Variants in CEP192 observed in about 807,000 individuals in gnomAD.
CEP192 encodes the protein centrosomal protein of 192 kDa.
A neutral mutation model predicts 271.8 loss-of-function variants in CEP192; 151 were observed. That is an observed-to-expected ratio of 0.56 (90% CI 0.49 to 0.64). CEP192 has a LOEUF of 0.64. Ranked by LOEUF, CEP192 falls within the 30% of genes least tolerant of loss-of-function variation. The pLI is 0.00. For synonymous variants in CEP192, 995 were observed against 1,076.5 expected (o/e 0.92, Z 1.48); for missense variants, 2,910 against 3,020.5 (o/e 0.96, Z 0.86).
At chr18:13,103,114 C>CT (rs1421353977) in intron 38 of CEP192, among the ~76,000 whole-genome samples, 16 of 152,152 alleles carry the variant, frequency 1.1e-4, no homozygotes, top group Admixed American at 1.0e-3. Context: ...TTTTTCTCCC[C>CT]TTTGCCACTG....
In CEP192 at chr18:13,060,918, A is replaced by G. The variant is rs919262860; in HGVS notation, c.4488+1606A>G. 3.8e-5 allele frequency among the ~76,000 whole-genome samples: 4 copies of G among 104,586 alleles called. No homozygotes were observed. The Admixed American group carries it at 3.9e-4, about 10-fold the overall frequency. 68.6% of individuals were successfully genotyped at this position (104,586 alleles called of 152,430 possible). ...CAGCCTGGGCAACAGAGCGAGACCC[A>G]GTCTTAAAAGGAAAAAAAAAAAATG... On this transcript the variant is annotated intron_variant, in intron 21 of 44. Transcript: ENST00000506447.
chr18:13,062,720 C>T (rs547978135), intron 21 of CEP192, among the ~76,000 whole-genome samples: 1 of 152,148 alleles, frequency 6.6e-6, no homozygotes, highest in Non-Finnish European at 1.5e-5. Context: ...AAGCATTTAT[C>T]CTTTGAGTTA....
intron 37 of CEP192, among the ~76,000 whole-genome samples, chr18:13,100,002 G>A (rs1449899891): frequency 6.6e-6 from 1 of 152,186 alleles, no homozygotes; most frequent in Non-Finnish European, 1.5e-5. Flanking sequence ...AGGCCAACTA[G>A]TTAGAGCATT....
intron 36 of CEP192, among the ~76,000 whole-genome samples, chr18:13,098,082 C>G (rs954818521): frequency 6.6e-6 from 1 of 152,226 alleles, no homozygotes; most frequent in African/African-American, 2.4e-5. Flanking sequence ...ATTTCTCAAT[C>G]TTTTCCCCAC....
At chr18:13,117,140 G>A (rs1016572917) in intron 43 of CEP192, among the ~76,000 whole-genome samples, 2 of 151,956 alleles carry the variant, frequency 1.3e-5, no homozygotes, top group African/African-American at 2.4e-5. Flanking sequence ...TGAGAGGATC[G>A]CTTTAGGCTG....
At chr18:12,994,113 A>G (rs1050501634) in intron 1 of CEP192, among the ~76,000 whole-genome samples, 2 of 152,212 alleles carry the variant, frequency 1.3e-5, no homozygotes, top group African/African-American at 4.8e-5. Flanking sequence ...CTAAGTGTTA[A>G]GGAAATAGTG....
At position 13,079,634 on chromosome 18, in the gene CEP192, A is replaced by G. The variant is rs112818404; in HGVS notation, c.5616+6449A>G. On this transcript the variant is annotated intron_variant, in intron 30 of 44. Coordinates refer to ENST00000506447, the MANE Select transcript of CEP192 (RefSeq NM_032142.4). ...TTCTTTCGCTGTGCAGAAGCTCTTT[A>G]GTTTAATTAGATCCCATTTGTCTAT... is the stretch of plus-strand genomic sequence containing the variant. Among the ~76,000 whole-genome samples, 1,126 of 152,216 alleles carry G rather than the reference A, an allele frequency of 7.4e-3. 10 individuals are homozygous for G. Among genetic ancestry groups the G allele is most frequent in the African/African-American group, 0.021 (890 of 41,522 alleles).
chr18:13,086,466 G>A (rs2038902276), intron 30 of CEP192, among the ~76,000 whole-genome samples: 1 of 152,116 alleles, frequency 6.6e-6, no homozygotes, highest in South Asian at 2.1e-4. Flanking sequence ...CACTTCCCAG[G>A]TAAGGCGACG....
intron 15 of CEP192, among the ~76,000 whole-genome samples, chr18:13,042,750 T>C (rs2036276113): frequency 6.6e-6 from 1 of 152,226 alleles, no homozygotes; most frequent in Non-Finnish European, 1.5e-5. Context: ...TCACCTCACC[T>C]TACATTTGTT....
intron 6 of CEP192, among the ~76,000 whole-genome samples, chr18:13,016,934 C>T (rs1036685403): frequency 3.3e-5 from 5 of 152,144 alleles, no homozygotes; most frequent in African/African-American, 1.2e-4. Flanking sequence ...TTTATTGTAT[C>T]CTGACTTTTG....
chr18:13,001,430 C>G, intron 2 of CEP192, 27 bp from the exon 3 acceptor site: 1 of 1,470,974 alleles, frequency 6.8e-7, no homozygotes, highest in Non-Finnish European at 9.2e-7. Context: ...TAATTCTTAA[C>G]AATTAAAACA....
At chr18:13,117,811 C>A (rs928148657) in intron 44 of CEP192, among the ~76,000 whole-genome samples, 168 bp downstream of exon 44, 1 of 152,162 alleles carries the variant, frequency 6.6e-6, no homozygotes, top group Non-Finnish European at 1.5e-5. Context: ...AAGGAGCCTG[C>A]AGGGGGACAG....
chr18:13,084,960 C>T (rs544716808), intron 30 of CEP192, among the ~76,000 whole-genome samples: 118 of 151,356 alleles, frequency 7.8e-4, no homozygotes, highest in African/African-American at 2.7e-3. Flanking sequence ...AGACTACAAG[C>T]GCATGCCACC....
At chr18:13,062,527 T>TC (rs1491348818) in intron 21 of CEP192, among the ~76,000 whole-genome samples, 1 of 36,482 alleles carries the variant, frequency 2.7e-5, no homozygotes, top group Non-Finnish European at 4.8e-5. Flanking sequence ...TACTGTTAGA[T>TC]TTTTTTTTTT....
chr18:13,028,343 C>CA (rs1047002582), intron 9 of CEP192, among the ~76,000 whole-genome samples: 21 of 152,256 alleles, frequency 1.4e-4, no homozygotes, highest in Admixed American at 1.0e-3. Flanking sequence ...TTATAGTTAC[C>CA]AGGCTTAGGA....
At chr18:13,032,274 C>A (rs542576009) in intron 11 of CEP192, among the ~76,000 whole-genome samples, 1 of 151,962 alleles carries the variant, frequency 6.6e-6, no homozygotes, top group South Asian at 2.1e-4. Flanking sequence ...AGTAGAGAGG[C>A]AGGAAGAGAG....
In CEP192 at chr18:13,001,582, A is replaced by C; in HGVS notation, c.290A>C (p.Asp97Ala). The change falls in exon 3 of 45, where the codon GAT (aspartate) becomes GCT (alanine). Residue 97 changes from aspartate (D) to alanine (A), a missense_variant and splice_region_variant. By Grantham distance (126) the Asp-to-Ala change is moderately radical. Coordinates refer to ENST00000506447, the MANE Select transcript of CEP192 (RefSeq NM_032142.4). ...ERLQLSFQDD[D>A]SISRKKSYVE... ...TTACAGCTTAGCTTCCAGGATGATG[A>C]GTAAGTTCATACCTTCATTTGCTTG... 1.3e-6 allele frequency: 2 copies of C among 1,546,092 alleles called. No homozygotes were observed. The highest frequency in any genetic ancestry group is 1.7e-6 in the Non-Finnish European group (2 of 1,145,584).
rs1345477728 is a variant in CEP192 at position 13,096,228 on chromosome 18, G to A, written c.6478G>A (p.Val2160Met). The change falls in exon 36 of 45, where the codon GTG (valine) becomes ATG (methionine). Residue 2160 changes from valine to methionine, a missense_variant. By Grantham distance (21) the Val-to-Met change is conservative. Coordinates refer to ENST00000506447, the MANE Select transcript of CEP192 (RefSeq NM_032142.4). Reference sequence around the variant, plus strand: ...ACGTTTCCAGATTGTGAATAACTCTGTGAGGTTACTGAGATTTGAGCTGTG... The same window carrying A: ...ACGTTTCCAGATTGTGAATAACTCTATGAGGTTACTGAGATTTGAGCTGTG... ...TGRFQIVNNS[V>M]RLLRFELCWP... The A allele has an allele frequency of 6.2e-7, 1 of 1,614,208 alleles. No homozygotes were observed. The highest frequency in any genetic ancestry group is 1.1e-5 in the South Asian group (1 of 91,088).
chr18:13,056,911 G>A (rs1399887737), intron 19 of CEP192, among the ~76,000 whole-genome samples: 1 of 152,158 alleles, frequency 6.6e-6, no homozygotes, highest in Non-Finnish European at 1.5e-5. Flanking sequence ...GCTGCCTATG[G>A]CTCTGTCTTC....
Sources: gnomAD v4.1 joint callset for allele counts (sites outside exome capture counted in the v4.1 genomes callset) on GRCh38, gnomAD v4.1.1 for gene constraint, MANE v1.5 for transcripts, NCBI Gene and HGNC (gene_info 2026-07-23, HGNC 2026-07-21) for gene names.